CT55: variants seen among roughly 807,000 people sequenced by gnomAD.
CT55 encodes the protein cancer/testis antigen 55.
CT55 carries 1 observed loss-of-function variant against 12.6 expected under a neutral mutation model. That is an observed-to-expected ratio of 0.08 (90% CI 0.03 to 0.38). The LOEUF is 0.38. CT55 is among the 10% of genes least tolerant of loss of function. The pLI is 0.99. For missense variants in CT55, 109 were observed against 135.4 expected, an observed-to-expected ratio of 0.80 and a Z score of 0.97; for synonymous variants, 43 against 49.7, an observed-to-expected ratio of 0.87 and a Z score of 0.57.
Position 135,171,293 on chromosome X carries a change from A to AC in CT55, c.-123_-122insG. 1 of 1,111,065 alleles carries AC rather than the reference A, an allele frequency of 9.0e-7. No homozygotes were observed. Among genetic ancestry groups the AC allele is most frequent in the Non-Finnish European group, 1.2e-6 (1 of 839,123 alleles). 91.6% of individuals were successfully genotyped at this position (1,111,065 alleles called of 1,213,427 possible). On this transcript the variant is annotated 5_prime_UTR_variant, in exon 1 of 6. The change abolishes the stop of an existing upstream ORF in the 5' untranslated region. Coordinates refer to ENST00000276241, the MANE Select transcript of CT55 (RefSeq NM_001031705.3). ...AGGGACTCACTTCCTGCTTCTCCTC[A>AC]GACACTGTGGCATGGGACCCACCCG...
intron 3 of CT55, among the ~76,000 whole-genome samples, chrX:135,159,864 A>G (rs1556404846): frequency 1.8e-5 from 2 of 111,258 alleles, no homozygotes; most frequent in Non-Finnish European, 3.8e-5. Context: ...ACAAAAAAAT[A>G]TCGTTGGGTA....
rs374656643 is a variant in CT55, at chrX:135,159,532, T to G, written c.424+879A>C. On this transcript the variant is annotated intron_variant, in intron 3 of 5. Transcript: ENST00000276241. ...CCCTCCACAACAAAGATCTAATCCA[T>G]TACCTCCTGGGTTCTTCTCTCACTT... is the stretch of plus-strand genomic sequence containing the variant. Among the ~76,000 whole-genome samples the G allele has an allele frequency of 9.6e-4, 107 of 111,550 alleles. 3 individuals are homozygous for G. In the South Asian group the frequency reaches 0.038, roughly 40 times the overall value.
At chrX:135,167,765 C>T (rs1556406229) in intron 2 of CT55, among the ~76,000 whole-genome samples, 1 of 109,918 alleles carries the variant, frequency 9.1e-6, no homozygotes, top group Non-Finnish European at 1.9e-5. Flanking sequence ...ACAAATAATC[C>T]TATTAAAAAT....
chrX:135,170,665 T>C (rs1434064270), intron 1 of CT55, among the ~76,000 whole-genome samples: 2 of 111,505 alleles, frequency 1.8e-5, no homozygotes, highest in African/African-American at 6.5e-5. Flanking sequence ...AGGGGTTCTC[T>C]GCCTTCCTTT....
At position 135,168,987 on chromosome X, in the gene CT55, A is replaced by T. The variant is rs188780461; in HGVS notation, c.279+607T>A. 1.1e-3 allele frequency among the ~76,000 whole-genome samples: 128 copies of T among 112,222 alleles called. 1 individual carries two copies. Among genetic ancestry groups the T allele is most frequent in the Middle Eastern group, 9.3e-3 (2 of 215 alleles). On this transcript the variant is annotated intron_variant, in intron 2 of 5. Coordinates refer to ENST00000276241, the MANE Select transcript of CT55 (RefSeq NM_001031705.3). ...CTTTTCCTTTCTCATATGTGCAAAGATTTCAGATCGATAGTATTGTTGTCC... is the reference window on the plus strand; with the variant it reads ...CTTTTCCTTTCTCATATGTGCAAAGTTTTCAGATCGATAGTATTGTTGTCC...
upstream of CT55, chrX:135,171,493 T>C (rs2083611282): frequency 4.5e-6 from 1 of 221,925 alleles, no homozygotes; most frequent in Non-Finnish European, 8.1e-6. Flanking sequence ...TAAAAGGCGA[T>C]GGGTGGGAAC....
intron 2 of CT55, among the ~76,000 whole-genome samples, chrX:135,166,789 T>C (rs1603274418): frequency 9.0e-6 from 1 of 111,461 alleles, no homozygotes. Flanking sequence ...CAAGAATCAG[T>C]AGTATCTCTA....
chrX:135,166,404 A>G (rs1374683759), intron 2 of CT55, among the ~76,000 whole-genome samples: 2 of 111,681 alleles, frequency 1.8e-5, no homozygotes, highest in East Asian at 5.6e-4. Flanking sequence ...ATTGAATTCC[A>G]CACCTCTTCG....
At chrX:135,169,865 C>T in intron 1 of CT55, 87 bp from the exon 2 acceptor site, 2 of 597,214 alleles carry the variant, frequency 3.3e-6, no homozygotes, top group African/African-American at 2.3e-5. Flanking sequence ...ATCTGCATAA[C>T]CCTGGGCAGA....
chrX:135,161,164 T>G (rs1224409665), intron 2 of CT55, among the ~76,000 whole-genome samples: 1 of 108,379 alleles, frequency 9.2e-6, no homozygotes, highest in African/African-American at 3.4e-5. Context: ...CTGGGGGAGG[T>G]TCGAAAAACC....
At chrX:135,160,590 A>C (rs2083558572) in intron 2 of CT55, 35 bp from the exon 3 acceptor site, 7 of 1,163,149 alleles carry the variant, frequency 6.0e-6, no homozygotes, top group Non-Finnish European at 8.0e-6. Flanking sequence ...CTTCAAAAAC[A>C]ATACAAATTT....
intron 3 of CT55, among the ~76,000 whole-genome samples, chrX:135,160,025 T>G (rs1556404886): frequency 9.0e-6 from 1 of 111,688 alleles, no homozygotes; most frequent in African/African-American, 3.3e-5. Context: ...TAAAATTTGG[T>G]AGTCTACCTT....
chrX:135,158,483 T>G (rs1232726013), intron 3 of CT55, among the ~76,000 whole-genome samples, 172 bp from the exon 4 acceptor site: 2 of 112,804 alleles, frequency 1.8e-5, no homozygotes, highest in Non-Finnish European at 3.7e-5. Flanking sequence ...AAGAAGTTTA[T>G]AATCCTTAGG....
intron 2 of CT55, among the ~76,000 whole-genome samples, chrX:135,161,294 G>A (rs1205850407): frequency 9.0e-6 from 1 of 111,719 alleles, no homozygotes; most frequent in African/African-American, 3.3e-5. Context: ...GTGTAAGCTT[G>A]TTATACTAAA....
intron 1 of CT55, among the ~76,000 whole-genome samples, chrX:135,170,833 C>A (rs1306035269): frequency 8.9e-6 from 1 of 112,003 alleles, no homozygotes; most frequent in Non-Finnish European, 1.9e-5. Flanking sequence ...ACAGGCGGTA[C>A]AGACCCCAAG....
At chrX:135,158,086 T>C (rs2083544505) in intron 4 of CT55, 113 bp downstream of exon 4, 2 of 438,904 alleles carry the variant, frequency 4.6e-6, no homozygotes, top group East Asian at 7.6e-5. Flanking sequence ...AGAATGTATT[T>C]CTTCATATTT....
chrX:135,166,988 C>T (rs782163045), intron 2 of CT55, among the ~76,000 whole-genome samples: 3 of 112,079 alleles, frequency 2.7e-5, no homozygotes, highest in East Asian at 2.8e-4. Context: ...TGTTCATGAA[C>T]AGGAAGAATA....
intron 3 of CT55, among the ~76,000 whole-genome samples, chrX:135,158,746 T>G (rs1168892339): frequency 1.9e-4 from 21 of 112,477 alleles, no homozygotes; most frequent in African/African-American, 6.8e-4. Flanking sequence ...TGCCTCGATT[T>G]CTTCATCTAT....
intron 2 of CT55, among the ~76,000 whole-genome samples, chrX:135,162,519 T>C (rs1556405335): frequency 8.9e-6 from 1 of 112,114 alleles, no homozygotes; most frequent in African/African-American, 3.2e-5. Context: ...TGAGAGACCA[T>C]GGTACCCGGT....
Sources: gnomAD v4.1 joint callset for allele counts (sites outside exome capture counted in the v4.1 genomes callset) on GRCh38, gnomAD v4.1.1 for gene constraint, MANE v1.5 for transcripts, NCBI Gene and HGNC (gene_info 2026-07-23, HGNC 2026-07-21) for gene names.